SAMMSON: variants seen among roughly 807,000 people sequenced by gnomAD.
SAMMSON encodes long intergenic non-protein coding RNA 1212.
At chr3:70,148,962 A>G (rs760320346) in intron 4 of SAMMSON, among the ~76,000 whole-genome samples, 1 of 152,094 alleles carries the variant, frequency 6.6e-6, no homozygotes, top group Non-Finnish European at 1.5e-5. Context: ...ATGTGAATGC[A>G]TCTATTATGG....
intron 7 of SAMMSON, among the ~76,000 whole-genome samples, chr3:70,298,343 A>G (rs548736643): frequency 6.6e-6 from 1 of 152,196 alleles, no homozygotes; most frequent in South Asian, 2.1e-4. Flanking sequence ...TAAGATTTCC[A>G]CTTCTCTCCT....
chr3:70,182,317 A>G (rs1015237250), intron 4 of SAMMSON, among the ~76,000 whole-genome samples: 36 of 152,066 alleles, frequency 2.4e-4, no homozygotes, highest in African/African-American at 8.2e-4. Context: ...GTCGTTTTCC[A>G]CTCGGCACCA....
intron 2 of SAMMSON, among the ~76,000 whole-genome samples, chr3:70,428,350 A>G (rs1701388473): frequency 6.6e-6 from 1 of 152,210 alleles, no homozygotes; most frequent in Non-Finnish European, 1.5e-5. Context: ...TCAAGAATCA[A>G]TAATCAAAAT....
At chr3:70,266,257 A>T (rs1419535199) in intron 6 of SAMMSON, among the ~76,000 whole-genome samples, 2 of 152,078 alleles carry the variant, frequency 1.3e-5, no homozygotes, top group Non-Finnish European at 1.5e-5. Context: ...GTGACCTATT[A>T]TGACTTATAT....
At chr3:70,200,107 C>T (rs2106719230) in intron 4 of SAMMSON, among the ~76,000 whole-genome samples, 1 of 152,242 alleles carries the variant, frequency 6.6e-6, no homozygotes, top group Non-Finnish European at 1.5e-5. Context: ...CTGTTTCCAC[C>T]TCAAATTCGT....
chr3:70,025,172 G>T (rs1015425256), intron 3 of SAMMSON: 1 of 152,178 alleles, frequency 6.6e-6, no homozygotes, highest in African/African-American at 2.4e-5. Context: ...TAGAGAAAAA[G>T]ATATTTTGGA....
intron 9 of SAMMSON, among the ~76,000 whole-genome samples, chr3:70,372,338 G>A (rs1296610241): frequency 6.6e-6 from 1 of 151,732 alleles, no homozygotes; most frequent in Non-Finnish European, 1.5e-5. Context: ...TTGATACAGA[G>A]TCTTATTCTG....
At chr3:70,285,589 T>G (rs549977569) in intron 6 of SAMMSON, among the ~76,000 whole-genome samples, 3,364 of 149,830 alleles carry the variant, frequency 0.022, 49 homozygotes, top group Non-Finnish European at 0.034. Flanking sequence ...GGGATGGCTG[T>G]GTCAAATGGT....
chr3:70,078,997 G>A (rs1180556436), intron 4 of SAMMSON, among the ~76,000 whole-genome samples: 4 of 152,170 alleles, frequency 2.6e-5, no homozygotes, highest in Admixed American at 6.5e-5. Context: ...GAACACAGCC[G>A]TGCTCTTCTT....
chr3:70,090,567 G>A (rs935379698), intron 4 of SAMMSON, among the ~76,000 whole-genome samples: 2 of 152,148 alleles, frequency 1.3e-5, no homozygotes, highest in Admixed American at 6.5e-5. Context: ...TCGGGTTTTC[G>A]TTCTCTCTTT....
intron 3 of SAMMSON, among the ~76,000 whole-genome samples, chr3:70,063,864 G>A (rs2067199646): frequency 6.6e-6 from 1 of 152,086 alleles, no homozygotes; most frequent in African/African-American, 2.4e-5. Flanking sequence ...TTAGCACAGT[G>A]CCTGGCATAT....
intron 2 of SAMMSON, among the ~76,000 whole-genome samples, chr3:70,399,484 A>G (rs534151632): frequency 6.6e-6 from 1 of 152,304 alleles, no homozygotes; most frequent in South Asian, 2.1e-4. Flanking sequence ...CCAGGATGCA[A>G]TGTAGACCAA....
downstream of SAMMSON, among the ~76,000 whole-genome samples, chr3:70,394,349 C>G (rs562251517): frequency 3.3e-5 from 5 of 152,210 alleles, no homozygotes; most frequent in East Asian, 9.7e-4. Context: ...TAGGTAATAG[C>G]TCACAATTTC....
At chr3:70,010,432 G>T (rs1451557998) in intron 1 of SAMMSON, among the ~76,000 whole-genome samples, 1 of 152,082 alleles carries the variant, frequency 6.6e-6, no homozygotes, top group Non-Finnish European at 1.5e-5. Context: ...TTGGTTTAAA[G>T]TCTGTTTTAT....
chr3:70,115,518 C>T (rs961994280), intron 4 of SAMMSON, among the ~76,000 whole-genome samples: 1 of 152,118 alleles, frequency 6.6e-6, no homozygotes, highest in African/African-American at 2.4e-5. Flanking sequence ...AGGATACAAG[C>T]ATCCACATCT....
intron 9 of SAMMSON, among the ~76,000 whole-genome samples, chr3:70,377,755 A>G (rs1257376417): frequency 6.6e-6 from 1 of 152,124 alleles, no homozygotes; most frequent in Non-Finnish European, 1.5e-5. Flanking sequence ...TAGCTATAAT[A>G]TTAAAAAATA....
chr3:70,370,244 T>C (rs991870193), intron 9 of SAMMSON, among the ~76,000 whole-genome samples: 2 of 152,060 alleles, frequency 1.3e-5, no homozygotes, highest in African/African-American at 4.8e-5. Context: ...TCCATATCTT[T>C]GCTGTTGTGA....
intron 3 of SAMMSON, chr3:70,070,257 A>G (rs1012337175): frequency 5.3e-5 from 8 of 152,184 alleles, no homozygotes; most frequent in African/African-American, 1.7e-4. Context: ...GTACATATCA[A>G]AAGTGGGAAA....
intron 3 of SAMMSON, among the ~76,000 whole-genome samples, chr3:70,064,448 G>T (rs553181288): frequency 4.6e-5 from 7 of 152,196 alleles, no homozygotes; most frequent in Middle Eastern, 6.8e-3. Flanking sequence ...ATTGCAATCC[G>T]ACCAAGTCTA....
Sources: allele counts gnomAD v4.1 joint callset (sites outside exome capture counted in the v4.1 genomes callset), GRCh38; gene constraint gnomAD v4.1.1; transcripts MANE v1.5; gene names NCBI Gene and HGNC (gene_info 2026-07-23, HGNC 2026-07-21).